Variants in ASPRV1 observed in about 807,000 individuals in gnomAD.
ASPRV1 encodes the protein retroviral-like aspartic protease 1.
Under a neutral mutation model 11.0 loss-of-function variants are expected in ASPRV1, and 7 were observed. The ratio of observed to expected loss-of-function variants is 0.64; its 90% confidence interval spans 0.36 to 1.20. The LOEUF (loss-of-function observed/expected upper bound fraction) is 1.20, where lower values mean the gene tolerates loss of function less well. Ranked by LOEUF, ASPRV1 falls within the 50% of genes most tolerant of loss-of-function variation. The probability of loss-of-function intolerance (pLI) is 0.02; values close to 1 mark genes in which losing one functional copy is unlikely to be tolerated. For synonymous variants in ASPRV1, 136 were observed against 138.4 expected (o/e 0.98, Z 0.12); for missense variants, 299 against 320.0 (o/e 0.93, Z 0.50).
chr2:70,086,653 G>A, the ASPRV1 span, among the ~76,000 whole-genome samples: 1 of 152,232 alleles, frequency 6.6e-6, no homozygotes, highest in Non-Finnish European at 1.5e-5. Flanking sequence ...GGCCTCCACA[G>A]GCGTACACTA....
the ASPRV1 span, among the ~76,000 whole-genome samples, chr2:70,014,802 AAAAAAAAAAAAAAAAAG>A: frequency 7.0e-6 from 1 of 142,888 alleles, no homozygotes; most frequent in African/African-American, 2.9e-5. Context: ...GTCTCAAAAA[AAAAAAAAAAAAAAAAAG>A]AAAAAGAAAA....
chr2:70,005,874 T>C, the ASPRV1 span, among the ~76,000 whole-genome samples: 1 of 152,172 alleles, frequency 6.6e-6, no homozygotes, highest in Non-Finnish European at 1.5e-5. Flanking sequence ...TCAACCCAGA[T>C]ACCACCCACC....
the ASPRV1 span, among the ~76,000 whole-genome samples, chr2:69,937,760 A>G: frequency 3.7e-4 from 57 of 152,298 alleles, no homozygotes; most frequent in Admixed American, 3.7e-3. Context: ...GATTACAGGC[A>G]CACACCACAA....
the ASPRV1 span, among the ~76,000 whole-genome samples, chr2:70,052,230 A>C: frequency 5.3e-5 from 8 of 152,186 alleles, no homozygotes; most frequent in Non-Finnish European, 1.0e-4. Flanking sequence ...GAGTCAAAGA[A>C]GACCCCACTG....
chr2:69,936,846 T>C, the ASPRV1 span, among the ~76,000 whole-genome samples: 1 of 152,186 alleles, frequency 6.6e-6, no homozygotes, highest in Non-Finnish European at 1.5e-5. Flanking sequence ...GAAGCGTGTT[T>C]CTTAAGCTCC....
At chr2:70,068,923 C>A in the ASPRV1 span, among the ~76,000 whole-genome samples, 1 of 106,536 alleles carries the variant, frequency 9.4e-6, no homozygotes, top group African/African-American at 3.7e-5. Context: ...CCAGCCTGGG[C>A]AACAAGAGCA....
the ASPRV1 span, among the ~76,000 whole-genome samples, chr2:70,005,331 C>G: frequency 2.0e-5 from 3 of 151,958 alleles, no homozygotes; most frequent in East Asian, 5.8e-4. Flanking sequence ...AAGTGCTGGG[C>G]TTATAGGAGT....
the ASPRV1 span, among the ~76,000 whole-genome samples, chr2:70,058,261 G>A: frequency 6.6e-6 from 1 of 152,146 alleles, no homozygotes; most frequent in South Asian, 2.1e-4. Context: ...TTAACTCTGA[G>A]GAAACTGAGT....
At chr2:70,081,644 C>T in the ASPRV1 span, among the ~76,000 whole-genome samples, 1 of 151,950 alleles carries the variant, frequency 6.6e-6, no homozygotes, top group African/African-American at 2.4e-5. Context: ...AGTGCAGTGA[C>T]GCGATCATGG....
chr2:70,036,077 T>C, the ASPRV1 span, among the ~76,000 whole-genome samples: 1 of 151,532 alleles, frequency 6.6e-6, no homozygotes, highest in African/African-American at 2.4e-5. Flanking sequence ...TCAAAGTTCA[T>C]TTCTCATTTC....
the ASPRV1 span, among the ~76,000 whole-genome samples, chr2:69,997,187 T>TG: frequency 7.3e-6 from 1 of 136,142 alleles, no homozygotes; most frequent in South Asian, 2.3e-4. Flanking sequence ...CCCAGTCTAT[T>TG]AAAAAAAAAA....
chr2:69,990,318 G>GGATTA, the ASPRV1 span, among the ~76,000 whole-genome samples: 1 of 151,980 alleles, frequency 6.6e-6, no homozygotes, highest in African/African-American at 2.4e-5. Flanking sequence ...CGAGTAGCTG[G>GGATTA]GATTACAGGC....
At chr2:69,968,339 C>A in the ASPRV1 span, 2 of 152,098 alleles carry the variant, frequency 1.3e-5, no homozygotes, top group African/African-American at 2.4e-5. Context: ...TCAAGGCCAA[C>A]ATGAAAACAC....
At chr2:70,043,441 A>G in the ASPRV1 span, among the ~76,000 whole-genome samples, 2 of 151,946 alleles carry the variant, frequency 1.3e-5, no homozygotes, top group African/African-American at 4.8e-5. Flanking sequence ...AAAAAGTTGT[A>G]TGTCTTAATC....
chr2:70,064,157 T>C, the ASPRV1 span, among the ~76,000 whole-genome samples: 2 of 152,222 alleles, frequency 1.3e-5, no homozygotes, highest in Non-Finnish European at 2.9e-5. Flanking sequence ...TCATTTTAGA[T>C]GGTTCATCCA....
At chr2:69,964,644 C>T (rs1354050026), upstream of ASPRV1, 4 of 222,592 alleles carry the variant, frequency 1.8e-5, no homozygotes, top group East Asian at 1.2e-4. Context: ...GGTATTGGGG[C>T]GGGACACCCT....
At chr2:70,071,103 G>C in the ASPRV1 span, among the ~76,000 whole-genome samples, 3 of 152,182 alleles carry the variant, frequency 2.0e-5, no homozygotes, top group Non-Finnish European at 4.4e-5. Flanking sequence ...CAGGGCAGCA[G>C]CCTGACCTCC....
chr2:69,988,927 A>G, the ASPRV1 span: 1 of 366,126 alleles, frequency 2.7e-6, no homozygotes, highest in African/African-American at 2.1e-5. Flanking sequence ...CCTGTTACCA[A>G]TTTTGAGTGT....
chr2:69,969,778 T>C, the ASPRV1 span, among the ~76,000 whole-genome samples: 2 of 152,148 alleles, frequency 1.3e-5, no homozygotes, highest in Middle Eastern at 3.2e-3. Context: ...TAGGCTGAAA[T>C]GCCATGGCTC....
Sources: gnomAD v4.1 joint callset for allele counts (sites outside exome capture counted in the v4.1 genomes callset) on GRCh38, gnomAD v4.1.1 for gene constraint, MANE v1.5 for transcripts, NCBI Gene and HGNC (gene_info 2026-07-23, HGNC 2026-07-21) for gene names.